CTBP1: variants seen among roughly 807,000 people sequenced by gnomAD.
CTBP1 encodes C-terminal-binding protein 1.
In CTBP1, 11 loss-of-function variants were observed where a neutral mutation model predicts 42.1. That is an observed-to-expected ratio of 0.26 (90% CI 0.16 to 0.43). CTBP1 has a LOEUF of 0.43. Among genes scored for constraint, CTBP1 ranks in the 20% least tolerant of loss-of-function variants. The pLI, the probability that CTBP1 is intolerant of heterozygous loss-of-function variation, is 1.00. For missense variants in CTBP1, 399 were observed against 624.3 expected (o/e 0.64, Z 3.85); for synonymous variants, 324 against 277.1 (o/e 1.17, Z -1.68).
chr4:1,220,857 G>A (rs1051503262), intron 5 of CTBP1, among the ~76,000 whole-genome samples: 2 of 152,254 alleles, frequency 1.3e-5, no homozygotes. Flanking sequence ...GGACCTAGAG[G>A]TAGAAGCTTC....
At chr4:1,222,721 T>G (rs1020846415) in intron 5 of CTBP1, among the ~76,000 whole-genome samples, 2 of 152,056 alleles carry the variant, frequency 1.3e-5, no homozygotes, top group African/African-American at 4.8e-5. Context: ...CACGGGGCCC[T>G]GGGAGGGGCT....
intron 1 of CTBP1, chr4:1,242,460 C>T (rs1732277279): frequency 5.1e-6 from 5 of 984,980 alleles, no homozygotes; most frequent in Non-Finnish European, 6.0e-6. Flanking sequence ...AGCCTAAGAC[C>T]CTGGTAGTGT....
rs151114452 is a variant in CTBP1 at position 1,237,647 on chromosome 4, C to A, written c.162+536G>T. The A allele has an allele frequency of 1.9e-4, 69 of 372,756 alleles. 2 individuals are homozygous for A. The highest frequency in any genetic ancestry group is 5.1e-4 in the Middle Eastern group (1 of 1,964). The allele number at this position is 372,756 out of a possible 1,614,324, so 23.1% of individuals were successfully genotyped here. A position where few individuals can be genotyped will look rare whatever the true frequency, so the allele number is the denominator to read the frequency against. ...TGGGGCTCAGGACAAACCCCGTGTCCACCTCCTGATGGGGCTCAGGACAAA... is the reference window on the plus strand; with the variant it reads ...TGGGGCTCAGGACAAACCCCGTGTCAACCTCCTGATGGGGCTCAGGACAAA... On this transcript the variant is annotated intron_variant, in intron 3 of 9. Coordinates refer to ENST00000382952, the MANE Select transcript of CTBP1 (RefSeq NM_001012614.2).
intron 1 of CTBP1, 93 bp downstream of exon 1, chr4:1,248,823 G>T: frequency 1.1e-6 from 1 of 917,378 alleles, no homozygotes; most frequent in Non-Finnish European, 1.3e-6. Context: ...CCGCGGGCGC[G>T]CGCTCGGTCC....
chr4:1,221,929 G>C (rs941309343), intron 5 of CTBP1: 1 of 350,576 alleles, frequency 2.9e-6, no homozygotes, highest in African/African-American at 2.2e-5. Flanking sequence ...ACGGGCACCA[G>C]AGCCTCGTAG....
chr4:1,220,070 C>T (rs964399337), intron 5 of CTBP1, among the ~76,000 whole-genome samples: 3 of 151,934 alleles, frequency 2.0e-5, no homozygotes, highest in Non-Finnish European at 2.9e-5. Context: ...GGCATGGTGG[C>T]GTGTGCCTGT....
At chr4:1,234,768 A>C (rs1731312725) in intron 3 of CTBP1, 2 of 152,226 alleles carry the variant, frequency 1.3e-5, no homozygotes, top group Admixed American at 1.3e-4. Flanking sequence ...CGTACCTAAC[A>C]AAGGGCACTG....
chr4:1,213,686 C>A lies in CTBP1; in HGVS notation c.861-81G>T, dbSNP rs970706661. On this transcript the variant is annotated intron_variant, in intron 7 of 9. Transcript: ENST00000382952. The stretch of plus-strand genomic sequence containing the variant: ...GGGGAGGTGGCTGGGCACTGGAACC[C>A]CCTGTGGGGGGCCCTGCCTGGGAAC... 3.9e-5 allele frequency: 59 copies of A among 1,525,748 alleles called. No individual in the cohort carries two copies. The Admixed American group carries it at 1.2e-3, about 31-fold the overall frequency. The allele number at this position is 1,525,748 out of a possible 1,614,324, so 94.5% of individuals were successfully genotyped here.
intron 1 of CTBP1, chr4:1,244,866 A>G (rs905133341): frequency 2.0e-6 from 2 of 985,338 alleles, no homozygotes; most frequent in African/African-American, 3.5e-5. Context: ...GGTGCTGCCC[A>G]GCCAGGGGCT....
intron 1 of CTBP1, chr4:1,248,594 G>T: frequency 1.2e-6 from 1 of 813,916 alleles, no homozygotes; most frequent in Non-Finnish European, 1.5e-6. Context: ...GGTCCGACGG[G>T]GCTGGGGTCG....
chr4:1,214,752 C>T lies in CTBP1; in HGVS notation c.730-279G>A, dbSNP rs116572306. ...CCCAAGCCCTGAGCTGAGGACTGGG[C>T]GGGGGCTCCTGGCTTGGTCCCCCTG... On this transcript the variant is annotated intron_variant, in intron 6 of 9. Transcript: ENST00000382952. Among the ~76,000 whole-genome samples the T allele has an allele frequency of 6.2e-3, 952 of 152,332 alleles. 10 individuals carry two copies. The highest frequency in any genetic ancestry group is 0.02 in the African/African-American group (837 of 41,586).
chr4:1,236,021 T>TCCC (rs1357492109), intron 3 of CTBP1: 1 of 152,718 alleles, frequency 6.5e-6, no homozygotes, highest in African/African-American at 2.4e-5. Flanking sequence ...GCCATGGATA[T>TCCC]CCCGGCAGGG....
At position 1,213,509 on chromosome 4, in the gene CTBP1, C is replaced by T. The variant is rs1245417280; in HGVS notation, c.957G>A (p.Glu319=). The T allele has an allele frequency of 8.7e-6, 14 of 1,612,622 alleles. No homozygotes were observed. Among genetic ancestry groups the T allele is most frequent in the Non-Finnish European group, 1.2e-5 (14 of 1,179,920 alleles). The change falls in exon 8 of 10, where the codon GAG becomes GAA. Residue 319 remains glutamate (E), a synonymous_variant. Coordinates refer to ENST00000382952, the MANE Select transcript of CTBP1 (RefSeq NM_001012614.2). ...SEQASIEMRE[E]AAREIRRAIT... ...TGGCTCTGCGGATCTCCCGTGCCGCCTCCTCTCGCATCTCGATGGATGCCT... is the reference window on the plus strand; with the variant it reads ...TGGCTCTGCGGATCTCCCGTGCCGCTTCCTCTCGCATCTCGATGGATGCCT...
intron 1 of CTBP1, chr4:1,242,445 A>T (rs1732275549): frequency 1.0e-6 from 1 of 985,312 alleles, no homozygotes; most frequent in African/African-American, 1.7e-5. Flanking sequence ...GGGGCCACTC[A>T]GCCAAGCCTA....
chr4:1,222,713 C>T (rs1033515420), intron 5 of CTBP1, among the ~76,000 whole-genome samples: 19 of 152,268 alleles, frequency 1.2e-4, no homozygotes, highest in East Asian at 5.8e-4. Context: ...CCACTCAGCA[C>T]GGGGCCCTGG....
At chr4:1,237,265 C>T (rs1173217980) in intron 3 of CTBP1, 3 of 671,316 alleles carry the variant, frequency 4.5e-6, no homozygotes, top group South Asian at 3.1e-5. Context: ...GAGTGTCCAC[C>T]TCCTCATGGG....
At chr4:1,219,457 A>T (rs1327046153) in intron 5 of CTBP1, among the ~76,000 whole-genome samples, 1 of 152,264 alleles carries the variant, frequency 6.6e-6, no homozygotes, top group Non-Finnish European at 1.5e-5. Flanking sequence ...CCTCAACATC[A>T]GACCAATTAA....
intron 1 of CTBP1, chr4:1,244,407 AAGCAGCTACCCCTGTTCCTTCCCC>A (rs1418075454): frequency 3.0e-6 from 3 of 984,010 alleles, no homozygotes; most frequent in Non-Finnish European, 3.6e-6. Context: ...CGCCAGGACC[AAGCAGCTACCCCTGTTCCTTCCCC>A]AGCCTCAGCA....
At chr4:1,246,168 C>A (rs748421343) in intron 1 of CTBP1, among the ~76,000 whole-genome samples, 1 of 152,170 alleles carries the variant, frequency 6.6e-6, no homozygotes, top group East Asian at 1.9e-4. Context: ...CAGTGGGCTC[C>A]GGCCACTGCA....
Sources: allele counts gnomAD v4.1 joint callset (sites outside exome capture counted in the v4.1 genomes callset), GRCh38; gene constraint gnomAD v4.1.1; transcripts MANE v1.5; gene names NCBI Gene and HGNC (gene_info 2026-07-23, HGNC 2026-07-21).